Variants in BMPR1A observed in about 807,000 individuals in gnomAD.
BMPR1A encodes the protein bone morphogenetic protein receptor type 1A, also known as bone morphogenetic protein receptor type-1A.
Under a neutral mutation model 66.0 loss-of-function variants are expected in BMPR1A, and 7 were observed. The ratio of observed to expected loss-of-function variants is 0.11; its 90% CI spans 0.06 to 0.20. The LOEUF is 0.20. Ranked by LOEUF, BMPR1A falls within the 10% of genes least tolerant of loss-of-function variation. The pLI, the probability that BMPR1A is intolerant of heterozygous loss-of-function variation, is 1.00. For missense variants in BMPR1A, 408 were observed against 669.1 expected, an observed-to-expected ratio of 0.61 and a Z score of 4.31; for synonymous variants, 200 against 229.7, an observed-to-expected ratio of 0.87 and a Z score of 1.17.
Position 86,795,501 on chromosome 10 carries a change from A to G in BMPR1A, c.-268+38582A>G, listed in dbSNP as rs192732891. 3.2e-3 allele frequency among the ~76,000 whole-genome samples: 480 copies of G among 152,016 alleles called. 1 individual carries two copies. Among genetic ancestry groups the G allele is most frequent in the Non-Finnish European group, 5.6e-3 (381 of 67,980 alleles). On this transcript the variant is annotated intron_variant, in intron 1 of 12. Transcript: ENST00000372037. Reference sequence around the variant, plus strand: ...AGATGCCATTTTGGGAGGTTAAATTACTTTCTAAAAGTTGCTGTGAAGGAG... The same window carrying G: ...AGATGCCATTTTGGGAGGTTAAATTGCTTTCTAAAAGTTGCTGTGAAGGAG...
chr10:86,825,473 T>G (rs1009897651), intron 1 of BMPR1A, among the ~76,000 whole-genome samples: 3 of 148,762 alleles, frequency 2.0e-5, no homozygotes, highest in Admixed American at 1.3e-4. Context: ...CTTTTTTTGT[T>G]TGTGTGTGTG....
chr10:86,820,823 G>A (rs1589731567), intron 1 of BMPR1A, among the ~76,000 whole-genome samples: 2 of 152,138 alleles, frequency 1.3e-5, no homozygotes, highest in Admixed American at 1.3e-4. Context: ...TTAACTGCTG[G>A]TTCCATGGTT....
chr10:86,779,073 T>A (rs1841398269), intron 1 of BMPR1A, among the ~76,000 whole-genome samples: 1 of 152,140 alleles, frequency 6.6e-6, no homozygotes, highest in African/African-American at 2.4e-5. Context: ...CAGCCCAGAT[T>A]TTATTTTTTA....
intron 3 of BMPR1A, among the ~76,000 whole-genome samples, chr10:86,883,604 C>A (rs190218612): frequency 7.0e-6 from 1 of 142,562 alleles, no homozygotes; most frequent in Non-Finnish European, 1.5e-5. Context: ...AACACCGTCT[C>A]TACTAAAAAT....
chr10:86,913,334 G>A (rs1380865454), intron 8 of BMPR1A, among the ~76,000 whole-genome samples: 1 of 128,276 alleles, frequency 7.8e-6, no homozygotes, highest in Non-Finnish European at 1.6e-5. Flanking sequence ...TCTCCATGTT[G>A]GCCAGGCTGG....
chr10:86,818,206 A>G (rs1564694157), intron 1 of BMPR1A, among the ~76,000 whole-genome samples: 2 of 152,108 alleles, frequency 1.3e-5, no homozygotes, highest in Non-Finnish European at 2.9e-5. Context: ...TTTAGTAGAG[A>G]CAGGGTTTCC....
intron 1 of BMPR1A, among the ~76,000 whole-genome samples, chr10:86,809,422 C>CGG (rs1841936446): frequency 6.6e-6 from 1 of 151,466 alleles, no homozygotes; most frequent in Non-Finnish European, 1.5e-5. Context: ...CTCAAGTAGC[C>CGG]GGGACTACAG....
intron 1 of BMPR1A, among the ~76,000 whole-genome samples, chr10:86,814,198 G>C (rs1245905800): frequency 1.3e-5 from 2 of 152,024 alleles, no homozygotes; most frequent in African/African-American, 2.4e-5. Flanking sequence ...TGGTGTCCTG[G>C]CATGTCATCC....
At chr10:86,773,728 A>G (rs1383064818) in intron 1 of BMPR1A, among the ~76,000 whole-genome samples, 1 of 151,976 alleles carries the variant, frequency 6.6e-6, no homozygotes, top group African/African-American at 2.4e-5. Flanking sequence ...TGCGTTCTTT[A>G]TTTATAGGTT....
At position 86,790,227 on chromosome 10, in the gene BMPR1A, ATATATAT is replaced by A. The variant is rs1564685674; in HGVS notation, c.-268+33309_-268+33315del. On this transcript the variant is annotated intron_variant, in intron 1 of 12. Coordinates refer to ENST00000372037, the MANE Select transcript of BMPR1A (RefSeq NM_004329.3). Reference sequence around the variant, plus strand: ...TATATATATATATATATATATATATATATATATATCAAAACCACAATGAGATTCTGCT... The same window carrying A: ...TATATATATATATATATATATATATAATCAAAACCACAATGAGATTCTGCT... Among the ~76,000 whole-genome samples the A allele has an allele frequency of 8.5e-4, 83 of 97,638 alleles. 11 individuals are homozygous for A. The highest frequency in any genetic ancestry group is 2.0e-3 in the South Asian group (5 of 2,452). The allele number at this position is 97,638 out of a possible 152,430, so 64.1% of individuals were successfully genotyped here. A position where few individuals can be genotyped will look rare whatever the true frequency, so the allele number is the denominator to read the frequency against.
intron 8 of BMPR1A, among the ~76,000 whole-genome samples, chr10:86,913,340 G>A (rs1843519611): frequency 6.8e-6 from 1 of 146,676 alleles, no homozygotes; most frequent in Admixed American, 7.0e-5. Context: ...TGTTGGCCAG[G>A]CTGGTCTCAA....
intron 3 of BMPR1A, among the ~76,000 whole-genome samples, chr10:86,881,163 C>T (rs370927317): frequency 2.4e-3 from 358 of 152,232 alleles, no homozygotes; most frequent in African/African-American, 7.9e-3. Context: ...ATCACTTGAG[C>T]CCGGGAGCTT....
intron 1 of BMPR1A, among the ~76,000 whole-genome samples, chr10:86,781,518 G>A (rs1013046467): frequency 5.9e-5 from 9 of 152,110 alleles, no homozygotes; most frequent in African/African-American, 1.9e-4. Flanking sequence ...GGCTTTTGTG[G>A]TTCTGTACAA....
At chr10:86,885,913 G>A (rs1843061581) in intron 3 of BMPR1A, among the ~76,000 whole-genome samples, 1 of 152,162 alleles carries the variant, frequency 6.6e-6, no homozygotes. Flanking sequence ...TAAAATCATT[G>A]ATGCCAAAAA....
intron 2 of BMPR1A, chr10:86,843,332 C>T (rs983364793): frequency 1.3e-5 from 2 of 152,172 alleles, no homozygotes; most frequent in African/African-American, 4.8e-5. Context: ...TCTTTCTAAT[C>T]TGTATTGCTT....
intron 7 of BMPR1A, among the ~76,000 whole-genome samples, chr10:86,905,825 T>A (rs1186298786): frequency 3.3e-5 from 5 of 150,606 alleles, no homozygotes; most frequent in Admixed American, 6.6e-5. Flanking sequence ...AAAAAAAAAA[T>A]TGCCAAGTAA....
intron 1 of BMPR1A, among the ~76,000 whole-genome samples, chr10:86,779,434 G>GTTTGCCCA (rs775098920): frequency 1.5e-4 from 23 of 151,838 alleles, no homozygotes; most frequent in Non-Finnish European, 1.0e-4. Flanking sequence ...CTTTTTCCCC[G>GTTTGCCCA]TTTGCCCATT....
intron 8 of BMPR1A, among the ~76,000 whole-genome samples, chr10:86,913,195 G>A (rs971641948): frequency 2.0e-5 from 3 of 151,732 alleles, no homozygotes; most frequent in East Asian, 1.9e-4. Flanking sequence ...CCCAGTCTTC[G>A]GCTCACTGCA....
intron 3 of BMPR1A, among the ~76,000 whole-genome samples, chr10:86,876,427 G>A (rs1465733801): frequency 2.0e-5 from 3 of 152,206 alleles, no homozygotes; most frequent in Non-Finnish European, 4.4e-5. Context: ...AGTCCAGGCT[G>A]AGCTTCAAAA....
Sources: gnomAD v4.1 joint callset for allele counts (sites outside exome capture counted in the v4.1 genomes callset) on GRCh38, gnomAD v4.1.1 for gene constraint, MANE v1.5 for transcripts, NCBI Gene and HGNC (gene_info 2026-07-23, HGNC 2026-07-21) for gene names.